The following SHC4 variants were observed in gnomAD, a reference collection of about 807,000 sequenced individuals.
The protein encoded by SHC4 is SHC-transforming protein 4.
In SHC4, 41 loss-of-function variants were observed where a neutral mutation model predicts 69.4. The observed-to-expected ratio is 0.59, with a 90% CI of 0.46 to 0.77. SHC4 has a LOEUF of 0.77. SHC4 is among the 30% of genes least tolerant of loss of function. The probability of loss-of-function intolerance (pLI) is 0.00; values close to 1 mark genes in which losing one functional copy is unlikely to be tolerated. For synonymous variants in SHC4, 318 were observed against 299.3 expected, an observed-to-expected ratio of 1.06 and a Z score of -0.64; for missense variants, 777 against 783.8, an observed-to-expected ratio of 0.99 and a Z score of 0.10.
intron 1 of SHC4, among the ~76,000 whole-genome samples, chr15:48,937,817 C>T (rs1901101690): frequency 6.6e-6 from 1 of 152,180 alleles, no homozygotes; most frequent in Admixed American, 6.5e-5. Context: ...ACTGTGTCAG[C>T]CATTCTGTGT....
At chr15:48,955,278 C>G (rs1242219107) in intron 1 of SHC4, among the ~76,000 whole-genome samples, 2 of 152,152 alleles carry the variant, frequency 1.3e-5, no homozygotes, top group Non-Finnish European at 2.9e-5. Flanking sequence ...GGTGTGCAAA[C>G]CTAGCCACCT....
At chr15:48,924,443 G>A (rs550353613) in intron 2 of SHC4, among the ~76,000 whole-genome samples, 2 of 152,262 alleles carry the variant, frequency 1.3e-5, no homozygotes, top group East Asian at 3.9e-4. Flanking sequence ...ACTGTACATA[G>A]AGGAGGGAGA....
intron 4 of SHC4, chr15:48,877,965 GAAA>G: frequency 1.9e-6 from 1 of 525,466 alleles, no homozygotes; most frequent in Non-Finnish European, 3.2e-6. Flanking sequence ...CGAATCGATG[GAAA>G]CGTAGCTCAA....
intron 4 of SHC4, chr15:48,879,577 G>A (rs912840699): frequency 1.3e-4 from 21 of 167,020 alleles, no homozygotes; most frequent in Admixed American, 1.1e-3. Context: ...GACAGATGAA[G>A]GACTTTAGTT....
intron 1 of SHC4, among the ~76,000 whole-genome samples, chr15:48,960,771 A>G (rs958663322): frequency 6.6e-6 from 1 of 152,220 alleles, no homozygotes; most frequent in African/African-American, 2.4e-5. Flanking sequence ...AAATAATTAC[A>G]TTAAATTTAA....
chr15:48,962,338 C>G, intron 1 of SHC4, 93 bp downstream of exon 1: 3 of 1,322,784 alleles, frequency 2.3e-6, no homozygotes, highest in South Asian at 3.1e-5. Context: ...AAACACAGAA[C>G]CCAGGCAGGT....
intron 4 of SHC4, among the ~76,000 whole-genome samples, chr15:48,882,252 C>T (rs1177474625): frequency 6.6e-6 from 1 of 152,102 alleles, no homozygotes; most frequent in African/African-American, 2.4e-5. Flanking sequence ...CCATATCCCC[C>T]AGCCATTTCC....
At chr15:48,861,201 T>G (rs543217951) in intron 6 of SHC4, among the ~76,000 whole-genome samples, 2 of 152,294 alleles carry the variant, frequency 1.3e-5, no homozygotes, top group East Asian at 3.9e-4. Context: ...TGGGCTCAAG[T>G]GATCCTCCTG....
chr15:48,881,376 A>C (rs1308769976), intron 4 of SHC4, among the ~76,000 whole-genome samples: 2 of 79,190 alleles, frequency 2.5e-5, no homozygotes, highest in Non-Finnish European at 5.4e-5. Flanking sequence ...AAAACAAAGC[A>C]AAAAAAAAAA....
intron 11 of SHC4, among the ~76,000 whole-genome samples, chr15:48,827,668 G>A (rs1160779444): frequency 1.3e-5 from 2 of 152,130 alleles, no homozygotes; most frequent in Non-Finnish European, 2.9e-5. Context: ...AATCTTTCAA[G>A]TACAGAGATT....
chr15:48,876,452 TAC>T (rs34156861), intron 4 of SHC4: 235,086 of 354,876 alleles, frequency 0.66, 77,508 homozygotes, highest in Middle Eastern at 0.74. Context: ...CATATATATA[TAC>T]ACACACACAC....
chr15:48,897,310 A>G (rs1023557976), intron 2 of SHC4, among the ~76,000 whole-genome samples: 2 of 152,136 alleles, frequency 1.3e-5, no homozygotes, highest in Admixed American at 6.5e-5. Context: ...GCCGTGGAAG[A>G]TTTGCTTTTA....
At chr15:48,951,269 C>T (rs560912741) in intron 1 of SHC4, among the ~76,000 whole-genome samples, 49 of 152,186 alleles carry the variant, frequency 3.2e-4, no homozygotes, top group African/African-American at 1.0e-3. Context: ...ACTTTCCTGC[C>T]TGTGACCCAT....
At chr15:48,900,063 A>G (rs1900295679) in intron 2 of SHC4, among the ~76,000 whole-genome samples, 1 of 152,214 alleles carries the variant, frequency 6.6e-6, no homozygotes, top group African/African-American at 2.4e-5. Context: ...CCTAGAGGCT[A>G]GGCTAGGGAA....
At chr15:48,843,202 G>C (rs968426777) in intron 10 of SHC4, among the ~76,000 whole-genome samples, 3 of 152,056 alleles carry the variant, frequency 2.0e-5, no homozygotes, top group African/African-American at 7.2e-5. Context: ...ACAAGCCAAG[G>C]GACATCAAGA....
At chr15:48,845,925 T>C (rs1342404321) in intron 9 of SHC4, among the ~76,000 whole-genome samples, 1 of 152,212 alleles carries the variant, frequency 6.6e-6, no homozygotes, top group Non-Finnish European at 1.5e-5. Context: ...TAAATAACCA[T>C]TTATGTAGGA....
chr15:48,845,111 T>C (rs1899061978), intron 9 of SHC4, among the ~76,000 whole-genome samples: 1 of 152,218 alleles, frequency 6.6e-6, no homozygotes, highest in Non-Finnish European at 1.5e-5. Context: ...GCACCTGAAC[T>C]AGTGACAGTC....
chr15:48,934,298 A>G (rs1452322744), intron 1 of SHC4, among the ~76,000 whole-genome samples: 1 of 152,224 alleles, frequency 6.6e-6, no homozygotes, highest in Non-Finnish European at 1.5e-5. Flanking sequence ...CATTTCTCCA[A>G]GAAATATATA....
intron 1 of SHC4, among the ~76,000 whole-genome samples, chr15:48,945,715 G>A (rs55727106): frequency 0.12 from 4,303 of 37,390 alleles, 213 homozygotes; most frequent in African/African-American, 0.21. Flanking sequence ...GGTTGGAGGG[G>A]AAGAAGAGGG....
Sources: gnomAD v4.1 joint callset for allele counts (sites outside exome capture counted in the v4.1 genomes callset) on GRCh38, gnomAD v4.1.1 for gene constraint, MANE v1.5 for transcripts, NCBI Gene and HGNC (gene_info 2026-07-23, HGNC 2026-07-21) for gene names.